GRIP1: variants seen among roughly 807,000 people sequenced by gnomAD.
GRIP1 encodes the protein glutamate receptor-interacting protein 1.
GRIP1 carries 45 observed loss-of-function variants against 129.9 expected under a neutral mutation model. The ratio of observed to expected loss-of-function variants is 0.35; its 90% CI spans 0.27 to 0.44. The LOEUF (loss-of-function observed/expected upper bound fraction) is 0.44, where lower values mean the gene tolerates loss of function less well. Among genes scored for constraint, GRIP1 ranks in the 20% least tolerant of loss-of-function variants. The pLI is 1.00. For missense variants in GRIP1, 1,196 were observed against 1,396.8 expected (o/e 0.86, Z 2.29); for synonymous variants, 530 against 520.8 (o/e 1.02, Z -0.24).
At chr12:66,707,767 C>T (rs776980626) in intron 1 of GRIP1, among the ~76,000 whole-genome samples, 10 of 151,886 alleles carry the variant, frequency 6.6e-5, no homozygotes, top group African/African-American at 9.7e-5. Context: ...TGTAATGCTG[C>T]GTACTGAAAA....
At chr12:66,810,600 A>T (rs34499611) in intron 1 of GRIP1, among the ~76,000 whole-genome samples, 98,570 of 151,726 alleles carry the variant, frequency 0.65, 32,136 homozygotes, top group African/African-American at 0.71. Context: ...TATGTGAGGT[A>T]GATAGGATGC....
In GRIP1 at chr12:66,348,730, A is replaced by C. The variant is rs542994026; in HGVS notation, c.*289T>G. On this transcript the variant is annotated 3_prime_UTR_variant, in exon 25 of 25. Transcript: ENST00000359742. ...AGTGATAGTAAGATGAACTTGTAAA[A>C]AATTTCCTCTGATGTTAATTGTAGA... 5.2e-6 allele frequency: 2 copies of C among 387,878 alleles called. No individual in the cohort carries two copies. Among genetic ancestry groups the C allele is most frequent in the East Asian group, 8.8e-5 (2 of 22,688 alleles). The allele number at this position is 387,878 out of a possible 1,614,324, so 24.0% of individuals were successfully genotyped here.
At chr12:66,687,138 G>A (rs936378624) in intron 1 of GRIP1, among the ~76,000 whole-genome samples, 4 of 152,030 alleles carry the variant, frequency 2.6e-5, no homozygotes, top group African/African-American at 4.8e-5. Flanking sequence ...TCTAAGACAC[G>A]TTACTCCTTC....
chr12:67,015,885 A>G (rs1404158943), intron 1 of GRIP1, among the ~76,000 whole-genome samples: 4 of 152,190 alleles, frequency 2.6e-5, no homozygotes. Context: ...ATTAGAATAG[A>G]GTGTGAAGTA....
chr12:66,636,528 T>C (rs1195057722), intron 1 of GRIP1, among the ~76,000 whole-genome samples: 3 of 152,196 alleles, frequency 2.0e-5, no homozygotes, highest in Admixed American at 6.5e-5. Flanking sequence ...GAATGAATTG[T>C]GTCTCCCATC....
At chr12:66,575,007 G>C (rs563512316) in intron 2 of GRIP1, among the ~76,000 whole-genome samples, 1 of 151,946 alleles carries the variant, frequency 6.6e-6, no homozygotes, top group Non-Finnish European at 1.5e-5. Context: ...TCTGACTTCA[G>C]GTGATCTGCC....
rs147113387 is a variant in GRIP1, at chr12:66,437,504, G to A, written c.1688-4876C>T. 3.9e-3 allele frequency among the ~76,000 whole-genome samples: 600 copies of A among 152,220 alleles called. 3 individuals carry two copies. Among genetic ancestry groups the A allele is most frequent in the Non-Finnish European group, 6.1e-3 (412 of 68,012 alleles). On this transcript the variant is annotated intron_variant, in intron 13 of 24. Transcript: ENST00000359742. The stretch of plus-strand genomic sequence containing the variant: ...TGGGTTACTTTCTGGAACAATCAAG[G>A]GCAGTGGGAGATGAACTTAACATTT...
intron 7 of GRIP1, among the ~76,000 whole-genome samples, chr12:66,469,249 C>A (rs535898154): frequency 3.3e-5 from 5 of 152,128 alleles, no homozygotes; most frequent in Non-Finnish European, 5.9e-5. Context: ...TAAAATTTCC[C>A]TAGTCATTAC....
chr12:67,035,121 T>C (rs2043076059), intron 1 of GRIP1, among the ~76,000 whole-genome samples: 1 of 152,178 alleles, frequency 6.6e-6, no homozygotes, highest in South Asian at 2.1e-4. Flanking sequence ...CTGTGGAAAG[T>C]TGGAATTTAA....
intron 1 of GRIP1, among the ~76,000 whole-genome samples, chr12:66,854,163 A>T (rs2039962992): frequency 6.6e-6 from 1 of 152,048 alleles, no homozygotes; most frequent in Non-Finnish European, 1.5e-5. Context: ...CAGACAGATA[A>T]ACAGACTGTA....
At chr12:66,378,689 G>A (rs558582498) in intron 20 of GRIP1, among the ~76,000 whole-genome samples, 2 of 152,210 alleles carry the variant, frequency 1.3e-5, no homozygotes, top group African/African-American at 2.4e-5. Context: ...AGGTTGCAGT[G>A]AGCTGAGATG....
intron 13 of GRIP1, among the ~76,000 whole-genome samples, chr12:66,441,898 T>C (rs2058480763): frequency 6.6e-6 from 1 of 152,034 alleles, no homozygotes; most frequent in Non-Finnish European, 1.5e-5. Flanking sequence ...TGCTCTTCCT[T>C]CTCCCTCATC....
chr12:66,677,796 T>A (rs2034407093), intron 1 of GRIP1, among the ~76,000 whole-genome samples: 1 of 152,176 alleles, frequency 6.6e-6, no homozygotes, highest in Non-Finnish European at 1.5e-5. Flanking sequence ...ATTAATTGCA[T>A]TTTTAGCTGC....
intron 11 of GRIP1, among the ~76,000 whole-genome samples, chr12:66,446,094 G>GCCCCCCCCCCCCC (rs1555185775): frequency 1.3e-4 from 18 of 140,496 alleles, no homozygotes; most frequent in African/African-American, 2.9e-4. Flanking sequence ...CATTCCTCCT[G>GCCCCCCCCCCCCC]CCGCCCCCCA....
intron 1 of GRIP1, among the ~76,000 whole-genome samples, chr12:66,852,796 T>G: frequency 6.6e-6 from 1 of 151,982 alleles, no homozygotes; most frequent in Admixed American, 6.6e-5. Context: ...TCCCATGTAT[T>G]TCTCCTAATG....
At chr12:66,440,804 T>C (rs2058451181) in intron 13 of GRIP1, among the ~76,000 whole-genome samples, 1 of 152,222 alleles carries the variant, frequency 6.6e-6, no homozygotes, top group Non-Finnish European at 1.5e-5. Flanking sequence ...TCTCTTCTTC[T>C]TTCTCTACAG....
intron 1 of GRIP1, among the ~76,000 whole-genome samples, chr12:66,965,374 C>T (rs758415850): frequency 1.3e-5 from 2 of 151,994 alleles, no homozygotes; most frequent in African/African-American, 2.4e-5. Flanking sequence ...AAAGATTCTG[C>T]CTTTTTGGAA....
chr12:66,877,500 A>T (rs930451414), intron 1 of GRIP1, among the ~76,000 whole-genome samples: 1 of 152,060 alleles, frequency 6.6e-6, no homozygotes, highest in Admixed American at 6.6e-5. Context: ...TTAAGATTCT[A>T]TTTCACCTTA....
intron 1 of GRIP1, among the ~76,000 whole-genome samples, chr12:67,037,146 G>A (rs1013249194): frequency 3.3e-5 from 5 of 151,918 alleles, no homozygotes; most frequent in Non-Finnish European, 5.9e-5. Context: ...GGCTAACACG[G>A]TGAAACACCT....
Sources: allele counts gnomAD v4.1 joint callset (sites outside exome capture counted in the v4.1 genomes callset), GRCh38; gene constraint gnomAD v4.1.1; transcripts MANE v1.5; gene names NCBI Gene and HGNC (gene_info 2026-07-23, HGNC 2026-07-21).